STXBP5L: variants seen among roughly 807,000 people sequenced by gnomAD.
The protein encoded by STXBP5L is syntaxin binding protein 5L, also known as syntaxin-binding protein 5-like.
Under a neutral mutation model 144.5 loss-of-function variants are expected in STXBP5L, and 65 were observed. The observed-to-expected ratio is 0.45, with a 90% confidence interval of 0.37 to 0.55. The LOEUF (loss-of-function observed/expected upper bound fraction) is 0.55, where lower values mean the gene tolerates loss of function less well. Among genes scored for constraint, STXBP5L ranks in the 20% least tolerant of loss-of-function variants. The pLI is 0.00. For synonymous variants in STXBP5L, 505 were observed against 469.6 expected, an observed-to-expected ratio of 1.08 and a Z score of -0.97; for missense variants, 1,298 against 1,405.5, an observed-to-expected ratio of 0.92 and a Z score of 1.22.
chr3:121,004,278 T>C (rs1374388783), intron 3 of STXBP5L, among the ~76,000 whole-genome samples: 2 of 151,628 alleles, frequency 1.3e-5, no homozygotes, highest in East Asian at 3.9e-4. Context: ...CCCTTGTAAG[T>C]TGGATTCCTA....
chr3:121,105,218 A>G (rs1245890412), intron 5 of STXBP5L, among the ~76,000 whole-genome samples: 1 of 152,010 alleles, frequency 6.6e-6, no homozygotes. Context: ...CAACATGGTG[A>G]AAGCCCATCT....
chr3:121,382,476 T>C (rs1418102450), intron 22 of STXBP5L, among the ~76,000 whole-genome samples: 1 of 152,122 alleles, frequency 6.6e-6, no homozygotes, highest in East Asian at 1.9e-4. Flanking sequence ...TAAAGAAATA[T>C]ACACAATTCT....
chr3:121,095,273 C>A (rs1012971031), intron 5 of STXBP5L, among the ~76,000 whole-genome samples: 1 of 152,104 alleles, frequency 6.6e-6, no homozygotes, highest in African/African-American at 2.4e-5. Context: ...CTTGGAGTTG[C>A]TCTTCTCGAG....
chr3:121,003,212 C>G (rs1404552324), intron 3 of STXBP5L, among the ~76,000 whole-genome samples: 4 of 152,174 alleles, frequency 2.6e-5, no homozygotes, highest in African/African-American at 9.7e-5. Context: ...TCCTCTCCAG[C>G]ACCTGTTGTT....
intron 22 of STXBP5L, among the ~76,000 whole-genome samples, chr3:121,391,747 A>G (rs1237353960): frequency 6.6e-6 from 1 of 152,132 alleles, no homozygotes; most frequent in East Asian, 1.9e-4. Flanking sequence ...AGAACAGCAA[A>G]TATTGCTGCC....
intron 3 of STXBP5L, among the ~76,000 whole-genome samples, chr3:121,028,552 A>T (rs1280128381): frequency 6.6e-6 from 1 of 152,106 alleles, no homozygotes; most frequent in Non-Finnish European, 1.5e-5. Flanking sequence ...TATAGTAGAA[A>T]CATCAAAAAT....
chr3:120,953,724 G>A (rs1937706824), intron 2 of STXBP5L, among the ~76,000 whole-genome samples: 1 of 151,938 alleles, frequency 6.6e-6, no homozygotes. Flanking sequence ...GTATTTCTTA[G>A]GATTGCATTT....
intron 7 of STXBP5L, among the ~76,000 whole-genome samples, chr3:121,135,553 C>T (rs139543220): frequency 7.2e-4 from 110 of 152,270 alleles, no homozygotes; most frequent in African/African-American, 2.6e-3. Context: ...TAGATACTCA[C>T]AAGGAGCATG....
chr3:121,085,048 C>G (rs1560107842), intron 5 of STXBP5L, among the ~76,000 whole-genome samples: 1 of 151,964 alleles, frequency 6.6e-6, no homozygotes, highest in Non-Finnish European at 1.5e-5. Flanking sequence ...TCTTTGCCCA[C>G]TGTTTGATGG....
At chr3:121,316,787 T>A (rs1019295645) in intron 19 of STXBP5L, among the ~76,000 whole-genome samples, 8 of 152,222 alleles carry the variant, frequency 5.3e-5, no homozygotes, top group African/African-American at 1.7e-4. Context: ...AACACCCACC[T>A]GTTAAATGGT....
intron 7 of STXBP5L, among the ~76,000 whole-genome samples, chr3:121,126,832 TC>T (rs1415430518): frequency 6.6e-6 from 1 of 152,190 alleles, no homozygotes; most frequent in Non-Finnish European, 1.5e-5. Context: ...TAGAAGATAA[TC>T]TGATTTCTTG....
chr3:121,355,371 G>T (rs760228365), intron 20 of STXBP5L, among the ~76,000 whole-genome samples: 7 of 152,064 alleles, frequency 4.6e-5, no homozygotes, highest in South Asian at 2.1e-4. Context: ...ATTTCTTGGA[G>T]GCTTTGTTCA....
At chr3:121,209,417 G>GT (rs1182292039) in intron 10 of STXBP5L, among the ~76,000 whole-genome samples, 5 of 151,714 alleles carry the variant, frequency 3.3e-5, no homozygotes, top group South Asian at 2.1e-4. Context: ...ATTTTTTTAT[G>GT]TTTTTTTATT....
At chr3:120,980,555 T>C (rs1273205071) in intron 3 of STXBP5L, among the ~76,000 whole-genome samples, 2 of 152,090 alleles carry the variant, frequency 1.3e-5, no homozygotes, top group African/African-American at 4.8e-5. Flanking sequence ...TTGCATAAAA[T>C]ATCTGTTTCT....
intron 5 of STXBP5L, among the ~76,000 whole-genome samples, chr3:121,102,804 A>G (rs528394915): frequency 7.2e-5 from 11 of 152,164 alleles, no homozygotes; most frequent in Admixed American, 6.5e-4. Flanking sequence ...ACTATGCATC[A>G]AACAAAGGTC....
chr3:121,170,851 G>A (rs577106964), intron 9 of STXBP5L, among the ~76,000 whole-genome samples: 28 of 152,144 alleles, frequency 1.8e-4, no homozygotes, highest in South Asian at 1.7e-3. Flanking sequence ...TGAGGCCAGC[G>A]TCATCCTGAT....
chr3:121,088,009 A>G (rs879624682), intron 5 of STXBP5L, among the ~76,000 whole-genome samples: 1 of 152,122 alleles, frequency 6.6e-6, no homozygotes, highest in African/African-American at 2.4e-5. Flanking sequence ...TATATTATGA[A>G]CCACATCAGA....
intron 9 of STXBP5L, among the ~76,000 whole-genome samples, chr3:121,200,427 C>T (rs1057291667): frequency 1.3e-5 from 2 of 152,072 alleles, no homozygotes; most frequent in Non-Finnish European, 2.9e-5. Flanking sequence ...TTCAAAAAAC[C>T]AGCTTCTGGA....
chr3:121,349,696 C>G (rs1195305237), intron 20 of STXBP5L, among the ~76,000 whole-genome samples: 1 of 152,024 alleles, frequency 6.6e-6, no homozygotes, highest in East Asian at 1.9e-4. Context: ...GAATTGATCC[C>G]TTTACCATTA....
Sources: gnomAD v4.1 joint callset for allele counts (sites outside exome capture counted in the v4.1 genomes callset) on GRCh38, gnomAD v4.1.1 for gene constraint, MANE v1.5 for transcripts, NCBI Gene and HGNC (gene_info 2026-07-23, HGNC 2026-07-21) for gene names.